SHISA9: variants seen among roughly 807,000 people sequenced by gnomAD.
SHISA9 encodes shisa family member 9, also known as protein shisa-9.
A neutral mutation model predicts 38.0 loss-of-function variants in SHISA9; 13 were observed. The observed-to-expected ratio is 0.34, with a 90% CI of 0.22 to 0.54. The LOEUF (loss-of-function observed/expected upper bound fraction) is 0.54, where lower values mean the gene tolerates loss of function less well. Ranked by LOEUF, SHISA9 falls within the 20% of genes least tolerant of loss-of-function variation. The probability of loss-of-function intolerance (pLI) is 0.91; values close to 1 mark genes in which losing one functional copy is unlikely to be tolerated. For missense variants in SHISA9, 538 were observed against 575.8 expected (o/e 0.93, Z 0.67); for synonymous variants, 275 against 242.0 (o/e 1.14, Z -1.27).
intron 2 of SHISA9, among the ~76,000 whole-genome samples, chr16:12,927,978 C>T (rs755741264): frequency 3.3e-5 from 5 of 152,144 alleles, no homozygotes; most frequent in Non-Finnish European, 5.9e-5. Context: ...GCTGACTTTT[C>T]GATTTTGCCA....
chr16:13,345,940 A>G, the SHISA9 span, among the ~76,000 whole-genome samples: 2 of 145,320 alleles, frequency 1.4e-5, no homozygotes, highest in African/African-American at 2.5e-5. Context: ...CCAATTCTTT[A>G]TGGGGTTGTT....
chr16:13,510,192 C>G, the SHISA9 span, among the ~76,000 whole-genome samples: 1 of 152,094 alleles, frequency 6.6e-6, no homozygotes, highest in African/African-American at 2.4e-5. Flanking sequence ...CCTGTAATCC[C>G]AGCTACACGG....
the SHISA9 span, among the ~76,000 whole-genome samples, chr16:13,296,891 CAAAAAAAAAAA>C: frequency 2.4e-3 from 64 of 26,606 alleles, no homozygotes; most frequent in South Asian, 9.9e-3. Flanking sequence ...AACTCCATCT[CAAAAAAAAAAA>C]AAAAAAAAAA....
chr16:12,902,200 C>A lies in SHISA9; in HGVS notation c.136C>A (p.Arg46Ser), dbSNP rs1283982883. ...GGVLLLAGGN[R>S]SGAASGEASE... is the part of the protein sequence containing the mutation. ...CGTGTTGCTGCTGGCGGGGGGCAAC[C>A]GCTCCGGGGCCGCCTCCGGAGAGGC... The change falls in exon 1 of 5, where the codon CGC becomes AGC. Residue 46 changes from arginine (R) to serine (S), a missense_variant. This residue lies in a region of SHISA9 where 107 missense variants were observed against 103.0 expected (regional missense o/e 1.04). Transcript: ENST00000558583. 4.6e-6 allele frequency: 7 copies of A among 1,530,084 alleles called. No individual in the cohort carries two copies. Among genetic ancestry groups the A allele is most frequent in the African/African-American group, 1.4e-5 (1 of 72,792 alleles). The allele number at this position is 1,530,084 out of a possible 1,614,324, so 94.8% of individuals were successfully genotyped here.
chr16:13,119,296 A>T (rs1257037777), intron 2 of SHISA9, among the ~76,000 whole-genome samples: 3 of 150,000 alleles, frequency 2.0e-5, no homozygotes, highest in East Asian at 3.9e-4. Context: ...AAATGTTATC[A>T]TTGATTTTAG....
chr16:13,294,610 C>T, the SHISA9 span, among the ~76,000 whole-genome samples: 1 of 152,218 alleles, frequency 6.6e-6, no homozygotes, highest in Non-Finnish European at 1.5e-5. Flanking sequence ...TGTGCATAGA[C>T]TTCCCGGTGC....
intron 2 of SHISA9, among the ~76,000 whole-genome samples, chr16:13,111,831 T>A (rs1194600965): frequency 6.6e-6 from 1 of 152,182 alleles, no homozygotes; most frequent in Non-Finnish European, 1.5e-5. Flanking sequence ...TAGGAGACTA[T>A]GATTGTTCCT....
chr16:13,279,220 G>A, the SHISA9 span, among the ~76,000 whole-genome samples: 1 of 151,928 alleles, frequency 6.6e-6, no homozygotes. Flanking sequence ...TTTTTGAGTT[G>A]ATTTCCAGTT....
chr16:13,145,847 A>G (rs1033234867), intron 2 of SHISA9, among the ~76,000 whole-genome samples: 1 of 152,224 alleles, frequency 6.6e-6, no homozygotes, highest in African/African-American at 2.4e-5. Flanking sequence ...AAAACACACA[A>G]AAAAATTCTG....
chr16:13,254,693 G>A, the SHISA9 span, among the ~76,000 whole-genome samples: 3 of 152,206 alleles, frequency 2.0e-5, no homozygotes, highest in Admixed American at 1.3e-4. Context: ...CTTTCAGGTG[G>A]CAAATTCTTC....
At chr16:13,553,764 A>C in the SHISA9 span, among the ~76,000 whole-genome samples, 11 of 152,316 alleles carry the variant, frequency 7.2e-5, no homozygotes, top group South Asian at 2.3e-3. Context: ...TTCGCTGTGA[A>C]TCACCACCAA....
chr16:13,386,465 A>T, the SHISA9 span, among the ~76,000 whole-genome samples: 5 of 152,104 alleles, frequency 3.3e-5, no homozygotes, highest in Non-Finnish European at 5.9e-5. Flanking sequence ...GCCTTGAGGG[A>T]GTAACTTAAT....
At chr16:13,188,356 A>G (rs1305801932) in intron 2 of SHISA9, among the ~76,000 whole-genome samples, 43 of 152,204 alleles carry the variant, frequency 2.8e-4, no homozygotes, top group Admixed American at 2.8e-3. Context: ...ATTCAGATCC[A>G]GTAAGGAGTG....
the SHISA9 span, among the ~76,000 whole-genome samples, chr16:13,282,287 C>A: frequency 6.6e-6 from 1 of 151,830 alleles, no homozygotes; most frequent in African/African-American, 2.4e-5. Flanking sequence ...TGATTGCCAA[C>A]TTTTATTTTT....
chr16:13,120,772 G>T (rs867320198), intron 2 of SHISA9, among the ~76,000 whole-genome samples: 1 of 152,190 alleles, frequency 6.6e-6, no homozygotes, highest in African/African-American at 2.4e-5. Context: ...TACTGTTAGC[G>T]AGGGAAGAGG....
chr16:13,209,775 C>G (rs568268725), intron 3 of SHISA9, among the ~76,000 whole-genome samples: 1 of 152,210 alleles, frequency 6.6e-6, no homozygotes, highest in Non-Finnish European at 1.5e-5. Context: ...TGATTCTTCA[C>G]AGGCCAAAGT....
the SHISA9 span, among the ~76,000 whole-genome samples, chr16:13,272,975 G>T: frequency 1.3e-5 from 2 of 151,958 alleles, no homozygotes; most frequent in Non-Finnish European, 2.9e-5. Context: ...GAACAACTGG[G>T]GTTATTGCTT....
intron 2 of SHISA9, among the ~76,000 whole-genome samples, chr16:12,943,404 G>C (rs1415407419): frequency 1.5e-5 from 2 of 135,848 alleles, no homozygotes; most frequent in East Asian, 4.6e-4. Flanking sequence ...CCTCAGGGGA[G>C]ATCTTCAGAG....
chr16:13,428,799 C>T, the SHISA9 span, among the ~76,000 whole-genome samples: 2 of 146,286 alleles, frequency 1.4e-5, no homozygotes, highest in African/African-American at 2.6e-5. Context: ...GTCAGAGTCT[C>T]ACTCTGTTGC....
Sources: gnomAD v4.1 joint callset for allele counts (sites outside exome capture counted in the v4.1 genomes callset) on GRCh38, gnomAD v4.1.1 for gene constraint, gnomAD v4.1.1 regional missense constraint, MANE v1.5 for transcripts, NCBI Gene and HGNC (gene_info 2026-07-23, HGNC 2026-07-21) for gene names.